ETNK1: variants seen among roughly 807,000 people sequenced by gnomAD.
ETNK1 encodes the protein ethanolamine kinase 1, also known as putative protein product of Nbla10396.
Under a neutral mutation model 45.1 loss-of-function variants are expected in ETNK1, and 8 were observed. The ratio of observed to expected loss-of-function variants is 0.18; its 90% CI spans 0.10 to 0.32. ETNK1 has a LOEUF of 0.32. ETNK1 is among the 10% of genes least tolerant of loss of function. ETNK1 has a pLI of 1.00. For synonymous variants in ETNK1, 152 were observed against 151.9 expected, an observed-to-expected ratio of 1.00 and a Z score of -0.01; for missense variants, 302 against 430.6, an observed-to-expected ratio of 0.70 and a Z score of 2.64.
intron 2 of ETNK1, among the ~76,000 whole-genome samples, chr12:22,648,141 T>G (rs1953829712): frequency 6.6e-6 from 1 of 151,876 alleles, no homozygotes; most frequent in Non-Finnish European, 1.5e-5. Flanking sequence ...CCCTCCTTCC[T>G]CCACAGACAA....
At chr12:22,633,473 T>C (rs1291930303) in intron 1 of ETNK1, among the ~76,000 whole-genome samples, 6 of 152,352 alleles carry the variant, frequency 3.9e-5, no homozygotes, top group Non-Finnish European at 8.8e-5. Flanking sequence ...GTAGTTATTA[T>C]AGGCTTTGGT....
intron 1 of ETNK1, among the ~76,000 whole-genome samples, chr12:22,637,598 A>T (rs192336): frequency 6.6e-6 from 1 of 152,182 alleles, no homozygotes; most frequent in Admixed American, 6.5e-5. Flanking sequence ...TTGGATTCCT[A>T]TTCCCATTCC....
At chr12:22,646,342 G>A (rs1349253172) in intron 2 of ETNK1, among the ~76,000 whole-genome samples, 1 of 151,566 alleles carries the variant, frequency 6.6e-6, no homozygotes, top group African/African-American at 2.4e-5. Flanking sequence ...AAATATGTAC[G>A]GTGAAATACT....
intron 1 of ETNK1, chr12:22,626,260 G>GA (rs1308369652): frequency 1.3e-5 from 2 of 153,992 alleles, no homozygotes; most frequent in African/African-American, 4.8e-5. Flanking sequence ...TGTTGATAGA[G>GA]AAAAAATTGG....
chr12:22,651,495 A>T (rs1012373945), intron 2 of ETNK1, among the ~76,000 whole-genome samples: 1 of 152,104 alleles, frequency 6.6e-6, no homozygotes, highest in Admixed American at 6.6e-5. Flanking sequence ...TTCTATTAAA[A>T]GGGAGTCCTT....
chr12:22,656,729 C>T (rs1241748355), intron 2 of ETNK1: 1 of 983,598 alleles, frequency 1.0e-6, no homozygotes, highest in Non-Finnish European at 1.2e-6. Flanking sequence ...AAATCAGGGT[C>T]TCTTATAAAC....
intron 2 of ETNK1, among the ~76,000 whole-genome samples, chr12:22,652,973 TA>T (rs1356496092): frequency 6.6e-6 from 1 of 152,166 alleles, no homozygotes; most frequent in East Asian, 1.9e-4. Flanking sequence ...TTTTAGTTCT[TA>T]CATTTAGATC....
At chr12:22,672,910 C>T (rs1954123567) in intron 5 of ETNK1, among the ~76,000 whole-genome samples, 1 of 151,748 alleles carries the variant, frequency 6.6e-6, no homozygotes, top group African/African-American at 2.4e-5. Context: ...TTTTTGTTTG[C>T]AAGGAATGGA....
intron 3 of ETNK1, among the ~76,000 whole-genome samples, chr12:22,660,553 T>G (rs1953989340): frequency 6.6e-6 from 1 of 152,152 alleles, no homozygotes; most frequent in Admixed American, 6.5e-5. Flanking sequence ...AAGGATAACT[T>G]TATTTTTTAT....
intron 6 of ETNK1, among the ~76,000 whole-genome samples, chr12:22,676,692 A>C (rs1954165854): frequency 6.6e-6 from 1 of 151,816 alleles, no homozygotes; most frequent in African/African-American, 2.4e-5. Flanking sequence ...CTTTTTAATG[A>C]TCACCATTCT....
At position 22,625,329 on chromosome 12, in the gene ETNK1, G is replaced by A. The variant is rs906386429; in HGVS notation, c.-102G>A. 6.3e-7 allele frequency: 1 copy of A among 1,591,968 alleles called. No individual in the cohort carries two copies. The highest frequency in any genetic ancestry group is 8.5e-7 in the Non-Finnish European group (1 of 1,171,214). On this transcript the variant is annotated 5_prime_UTR_variant, in exon 1 of 8. Coordinates refer to ENST00000266517, the MANE Select transcript of ETNK1 (RefSeq NM_018638.5). ...CCCAGCGCCCCCAGCCCTCCCGCGA[G>A]GGCGCCCCGGGACGGAAGGATCCAC...
At position 22,690,634 on chromosome 12, in the gene ETNK1, C is replaced by T. The variant is rs914433980; in HGVS notation, c.*5680C>T. 1 of 152,312 alleles carries T rather than the reference C, an allele frequency of 6.6e-6. No homozygotes were observed. Among genetic ancestry groups the T allele is most frequent in the Non-Finnish European group, 1.5e-5 (1 of 67,902 alleles). 9.4% of individuals were successfully genotyped at this position (152,312 alleles called of 1,614,324 possible). ...GATTTATATTCTGTAAATAAAAATT[C>T]GTTGTAACAATAAAGTTGAGTTCTA... On this transcript the variant is annotated 3_prime_UTR_variant, in exon 8 of 8. Coordinates refer to ENST00000266517, the MANE Select transcript of ETNK1 (RefSeq NM_018638.5).
At chr12:22,659,536 T>C (rs1953978205) in intron 3 of ETNK1, among the ~76,000 whole-genome samples, 1 of 152,200 alleles carries the variant, frequency 6.6e-6, no homozygotes, top group Admixed American at 6.5e-5. Flanking sequence ...CAAACTGAGA[T>C]TAAATCTTAG....
chr12:22,630,387 G>A (rs1049666670), intron 1 of ETNK1, among the ~76,000 whole-genome samples: 3 of 152,138 alleles, frequency 2.0e-5, no homozygotes, highest in Non-Finnish European at 1.5e-5. Context: ...ACAACTAACT[G>A]TAGCACAAGG....
At chr12:22,656,285 T>G in intron 2 of ETNK1, 1 of 371,678 alleles carries the variant, frequency 2.7e-6, no homozygotes, top group Non-Finnish European at 3.7e-6. Context: ...ATGACCATAT[T>G]GCAGCATGAT....
chr12:22,666,368 C>T (rs535332618), intron 4 of ETNK1, among the ~76,000 whole-genome samples: 15 of 152,292 alleles, frequency 9.8e-5, no homozygotes, highest in Non-Finnish European at 2.2e-4. Context: ...AATTATCAGT[C>T]ATCTTTTAAA....
chr12:22,632,277 A>G (rs1953590113), intron 1 of ETNK1, among the ~76,000 whole-genome samples: 1 of 152,104 alleles, frequency 6.6e-6, no homozygotes, highest in Non-Finnish European at 1.5e-5. Context: ...ATTTCCTATC[A>G]TCAATATTCT....
intron 2 of ETNK1, among the ~76,000 whole-genome samples, chr12:22,653,842 A>AT (rs1953908177): frequency 6.6e-6 from 1 of 152,170 alleles, no homozygotes; most frequent in Non-Finnish European, 1.5e-5. Flanking sequence ...GCCATAGTTA[A>AT]TTTTTTAAAT....
In ETNK1 at chr12:22,688,688, G is replaced by T. The variant is rs977057946; in HGVS notation, c.*3734G>T. 1 of 152,290 alleles carries T rather than the reference G, an allele frequency of 6.6e-6. No homozygotes were observed. Among genetic ancestry groups the T allele is most frequent in the South Asian group, 2.1e-4 (1 of 4,828 alleles). The allele number at this position is 152,290 out of a possible 1,614,324, so 9.4% of individuals were successfully genotyped here. On this transcript the variant is annotated 3_prime_UTR_variant, in exon 8 of 8. Transcript: ENST00000266517. Reference sequence around the variant, plus strand: ...GAAACTTGTTGACAGTAACCTGTGCGACTTTATGCAGAAGACAAATGCTAG... The same window carrying T: ...GAAACTTGTTGACAGTAACCTGTGCTACTTTATGCAGAAGACAAATGCTAG...
Sources: allele counts gnomAD v4.1 joint callset (sites outside exome capture counted in the v4.1 genomes callset), GRCh38; gene constraint gnomAD v4.1.1; transcripts MANE v1.5; gene names NCBI Gene and HGNC (gene_info 2026-07-23, HGNC 2026-07-21).